ELP4: variants seen among roughly 807,000 people sequenced by gnomAD.
ELP4 encodes elongator acetyltransferase complex subunit 4.
ELP4 carries 51 observed loss-of-function variants against 48.9 expected under a neutral mutation model. That is an observed-to-expected ratio of 1.04 (90% confidence interval 0.83 to 1.32). The LOEUF is 1.32. Among genes scored for constraint, ELP4 ranks in the 40% most tolerant of loss-of-function variants. The probability of loss-of-function intolerance (pLI) is 0.00; values close to 1 mark genes in which losing one functional copy is unlikely to be tolerated. For missense variants in ELP4, 519 were observed against 514.6 expected (o/e 1.01, Z -0.08); for synonymous variants, 210 against 189.2 (o/e 1.11, Z -0.90).
At chr11:31,660,885 A>G (rs1362503897) in intron 9 of ELP4, among the ~76,000 whole-genome samples, 1 of 152,046 alleles carries the variant, frequency 6.6e-6, no homozygotes, top group Non-Finnish European at 1.5e-5. Flanking sequence ...CTTAGAAAAA[A>G]TGGTGGTCCA....
intron 3 of ELP4, among the ~76,000 whole-genome samples, chr11:31,575,853 C>A (rs1454772374): frequency 6.6e-6 from 1 of 152,108 alleles, no homozygotes; most frequent in African/African-American, 2.4e-5. Context: ...ATTGTAAAGA[C>A]CACCAATGCT....
At chr11:31,692,071 G>A (rs1007758376) in intron 9 of ELP4, among the ~76,000 whole-genome samples, 2 of 152,124 alleles carry the variant, frequency 1.3e-5, no homozygotes, top group Admixed American at 1.3e-4. Context: ...AAATTTTTAA[G>A]CTGTGAAACT....
At chr11:31,539,517 C>A in intron 2 of ELP4, 145 bp from the exon 3 acceptor site, 1 of 670,524 alleles carries the variant, frequency 1.5e-6, no homozygotes, top group Non-Finnish European at 2.3e-6. Flanking sequence ...CTATCTATGC[C>A]TCAGGAATAC....
At chr11:31,641,808 T>C (rs1432789364) in intron 7 of ELP4, among the ~76,000 whole-genome samples, 1 of 151,896 alleles carries the variant, frequency 6.6e-6, no homozygotes, top group Non-Finnish European at 1.5e-5. Flanking sequence ...AATATGGGAT[T>C]ATTCTAAGCT....
intron 3 of ELP4, chr11:31,580,542 G>C (rs780185023): frequency 5.9e-5 from 9 of 152,198 alleles, no homozygotes; most frequent in Non-Finnish European, 1.3e-4. Context: ...CAAAGGTTCA[G>C]CTCTCATATA....
At chr11:31,535,902 C>A (rs1956493157) in intron 2 of ELP4, among the ~76,000 whole-genome samples, 1 of 151,964 alleles carries the variant, frequency 6.6e-6, no homozygotes. Context: ...TTGAGATTTA[C>A]CCATGTTGTT....
rs1957039686 is a variant in ELP4 at position 31,562,603 on chromosome 11, A to T, written c.381+22820A>T. Among the ~76,000 whole-genome samples the T allele has an allele frequency of 5.3e-5, 8 of 152,314 alleles. No homozygotes were observed. In the South Asian group the frequency reaches 1.7e-3, roughly 32 times the overall value. On this transcript the variant is annotated intron_variant, in intron 3 of 9. Transcript: ENST00000640961. ...AAATGTATTAAAACAATATTTGTATACCAATGTGAAAGTGTTTTTCACCCT... is the reference window on the plus strand; with the variant it reads ...AAATGTATTAAAACAATATTTGTATTCCAATGTGAAAGTGTTTTTCACCCT...
intron 9 of ELP4, among the ~76,000 whole-genome samples, chr11:31,736,464 A>G (rs1947320074): frequency 6.6e-6 from 1 of 152,216 alleles, no homozygotes; most frequent in East Asian, 1.9e-4. Flanking sequence ...ACAAAAGCCA[A>G]AATTGACAAA....
chr11:31,580,367 T>G (rs188363406), intron 3 of ELP4, among the ~76,000 whole-genome samples: 6 of 152,194 alleles, frequency 3.9e-5, no homozygotes, highest in African/African-American at 1.2e-4. Context: ...GGATCTAATA[T>G]TAGTAGTAGG....
At chr11:31,765,094 T>C (rs1486713632) in intron 9 of ELP4, among the ~76,000 whole-genome samples, 1 of 152,158 alleles carries the variant, frequency 6.6e-6, no homozygotes, top group Non-Finnish European at 1.5e-5. Context: ...AGGATAATTA[T>C]TAGATTCAGG....
At chr11:31,581,098 C>G (rs1462095634) in intron 3 of ELP4, among the ~76,000 whole-genome samples, 1 of 152,134 alleles carries the variant, frequency 6.6e-6, no homozygotes, top group Non-Finnish European at 1.5e-5. Flanking sequence ...TCAAAACTTT[C>G]CACTAAAGTT....
Position 31,788,216 on chromosome 11 carries a change from C to T in ELP4, c.*4692C>T. ...AATAACAACTGACCAACAATGGGCC[C>T]TGCTTCATAGATTTGGGAATGTTTG... On this transcript the variant is annotated 3_prime_UTR_variant, in exon 10 of 10. Transcript: ENST00000640961. 4.4e-6 allele frequency: 1 copy of T among 226,934 alleles called. No individual in the cohort carries two copies. Among genetic ancestry groups the T allele is most frequent in the Non-Finnish European group, 8.8e-6 (1 of 114,058 alleles). The allele number at this position is 226,934 out of a possible 1,614,324, so 14.1% of individuals were successfully genotyped here.
chr11:31,759,823 C>A (rs1225626003), intron 9 of ELP4, among the ~76,000 whole-genome samples: 1 of 151,920 alleles, frequency 6.6e-6, no homozygotes, highest in Non-Finnish European at 1.5e-5. Context: ...TCTTGTGCCT[C>A]AGCCTCCCGA....
At position 31,699,638 on chromosome 11, in the gene ELP4, C is replaced by T. The variant is rs554983986; in HGVS notation, c.1143+49417C>T. 1.2e-4 allele frequency among the ~76,000 whole-genome samples: 18 copies of T among 152,126 alleles called. No individual in the cohort carries two copies. In the South Asian group the frequency reaches 2.9e-3, roughly 25 times the overall value. On this transcript the variant is annotated intron_variant, in intron 9 of 9. Coordinates refer to ENST00000640961, the MANE Select transcript of ELP4 (RefSeq NM_019040.5). Reference sequence around the variant, plus strand: ...GTTTGATGAGGTTTAATGAGGAAAACGATATTGACATAATCTCAGAATATC... The same window carrying T: ...GTTTGATGAGGTTTAATGAGGAAAATGATATTGACATAATCTCAGAATATC...
At chr11:31,777,084 T>C (rs538631990) in intron 9 of ELP4, among the ~76,000 whole-genome samples, 31 of 152,218 alleles carry the variant, frequency 2.0e-4, no homozygotes, top group African/African-American at 7.2e-4. Flanking sequence ...AATTACAATA[T>C]AATATTACAT....
intron 9 of ELP4, among the ~76,000 whole-genome samples, chr11:31,680,962 G>A (rs952834927): frequency 1.3e-5 from 2 of 152,074 alleles, no homozygotes; most frequent in African/African-American, 2.4e-5. Flanking sequence ...GTATGAATTA[G>A]CTGACGTATC....
At chr11:31,771,701 C>T (rs756864176) in intron 9 of ELP4, among the ~76,000 whole-genome samples, 7 of 152,174 alleles carry the variant, frequency 4.6e-5, no homozygotes, top group South Asian at 2.1e-4. Context: ...TCTTAGTGGC[C>T]GGGCTCAGTG....
chr11:31,703,015 G>A (rs138504037), intron 9 of ELP4, among the ~76,000 whole-genome samples: 2 of 152,300 alleles, frequency 1.3e-5, no homozygotes, highest in African/African-American at 4.8e-5. Flanking sequence ...TTGCAGATGA[G>A]TTAACACACC....
chr11:31,532,513 C>A (rs1022650609), intron 2 of ELP4, among the ~76,000 whole-genome samples: 36 of 152,142 alleles, frequency 2.4e-4, no homozygotes, highest in African/African-American at 8.4e-4. Flanking sequence ...ACTCATAAAT[C>A]ACTCAGTTTT....
Sources: allele counts gnomAD v4.1 joint callset (sites outside exome capture counted in the v4.1 genomes callset), GRCh38; gene constraint gnomAD v4.1.1; transcripts MANE v1.5; gene names NCBI Gene and HGNC (gene_info 2026-07-23, HGNC 2026-07-21).